The following PTPRJ variants were observed in gnomAD, a reference collection of about 807,000 sequenced individuals.
The protein encoded by PTPRJ is receptor-type tyrosine-protein phosphatase eta.
PTPRJ carries 129 observed loss-of-function variants against 141.3 expected under a neutral mutation model. The ratio of observed to expected loss-of-function variants is 0.91; its 90% confidence interval spans 0.79 to 1.06. The LOEUF (loss-of-function observed/expected upper bound fraction) is 1.06. Ranked by LOEUF, PTPRJ falls within the 50% of genes least tolerant of loss-of-function variation. The pLI is 0.00. For synonymous variants in PTPRJ, 610 were observed against 640.5 expected (o/e 0.95, Z 0.72); for missense variants, 1,601 against 1,679.7 (o/e 0.95, Z 0.82).
intron 1 of PTPRJ, among the ~76,000 whole-genome samples, chr11:48,022,469 A>G (rs1310836896): frequency 2.0e-5 from 3 of 148,500 alleles, no homozygotes; most frequent in Non-Finnish European, 4.5e-5. Context: ...CATCTCAAGA[A>G]AAAAAAAAAA....
At chr11:48,165,498 T>C (rs1469365685) in intron 24 of PTPRJ, among the ~76,000 whole-genome samples, 5 of 152,256 alleles carry the variant, frequency 3.3e-5, no homozygotes, top group Non-Finnish European at 7.3e-5. Flanking sequence ...TGAATGTTCC[T>C]TGACCAGGAT....
At chr11:47,994,187 T>A (rs914152269) in intron 1 of PTPRJ, among the ~76,000 whole-genome samples, 2 of 151,566 alleles carry the variant, frequency 1.3e-5, no homozygotes, top group Non-Finnish European at 2.9e-5. Flanking sequence ...ATAAAAAAAT[T>A]GAAAATACAG....
chr11:48,155,896 C>T (rs1857587687), intron 20 of PTPRJ, 22 bp downstream of exon 20: 8 of 1,589,492 alleles, frequency 5.0e-6, no homozygotes, highest in African/African-American at 1.3e-5. Flanking sequence ...GACGGTCTCA[C>T]AGCACTGGAC....
At chr11:48,067,406 G>C (rs1333159166) in intron 1 of PTPRJ, among the ~76,000 whole-genome samples, 1 of 152,196 alleles carries the variant, frequency 6.6e-6, no homozygotes, top group Admixed American at 6.5e-5. Context: ...AGGTCCCCTG[G>C]TAGGACCTGG....
Position 48,086,776 on chromosome 11 carries a change from C to T in PTPRJ, c.97-23282C>T, listed in dbSNP as rs116845024. ...GTTTTAGTTGCTCTTCTATAACTTCCGGGTGCTCTTCTCAGAGCAGCAGTG... is the reference window on the plus strand; with the variant it reads ...GTTTTAGTTGCTCTTCTATAACTTCTGGGTGCTCTTCTCAGAGCAGCAGTG... On this transcript the variant is annotated intron_variant, in intron 1 of 24. Transcript: ENST00000418331. 2.2e-4 allele frequency among the ~76,000 whole-genome samples: 34 copies of T among 152,276 alleles called. 1 individual carries two copies. In the South Asian group the frequency reaches 5.0e-3, roughly 22 times the overall value.
intron 1 of PTPRJ, among the ~76,000 whole-genome samples, chr11:48,090,588 G>A (rs1282912194): frequency 1.3e-5 from 2 of 152,184 alleles, no homozygotes; most frequent in Non-Finnish European, 2.9e-5. Context: ...GCTGTTTTCT[G>A]CCCTGGAATG....
At chr11:48,165,612 C>G (rs1029450458) in intron 24 of PTPRJ, among the ~76,000 whole-genome samples, 1 of 152,114 alleles carries the variant, frequency 6.6e-6, no homozygotes, top group East Asian at 1.9e-4. Context: ...GTTCTAGATG[C>G]CTGGGTACAT....
At chr11:48,009,361 C>T (rs1854714673) in intron 1 of PTPRJ, among the ~76,000 whole-genome samples, 1 of 152,084 alleles carries the variant, frequency 6.6e-6, no homozygotes, top group African/African-American at 2.4e-5. Context: ...TTTGGGAGGC[C>T]GAGGCAGGTG....
intron 1 of PTPRJ, among the ~76,000 whole-genome samples, chr11:48,054,793 T>C (rs779508728): frequency 2.6e-5 from 4 of 151,882 alleles, no homozygotes; most frequent in Non-Finnish European, 5.9e-5. Context: ...TGAGTGTTAA[T>C]TTCCTCATTT....
At chr11:48,128,802 G>C (rs1280807297) in intron 7 of PTPRJ, among the ~76,000 whole-genome samples, 2 of 151,306 alleles carry the variant, frequency 1.3e-5, no homozygotes, top group Admixed American at 6.6e-5. Context: ...CTTGAACTCA[G>C]GGGTGTGTGG....
intron 1 of PTPRJ, among the ~76,000 whole-genome samples, chr11:48,025,400 C>G (rs1853780361): frequency 6.6e-6 from 1 of 152,126 alleles, no homozygotes; most frequent in Non-Finnish European, 1.5e-5. Context: ...ACCAATTCAA[C>G]TATAAAATCA....
intron 21 of PTPRJ, among the ~76,000 whole-genome samples, chr11:48,159,205 GT>G (rs1857701652): frequency 6.7e-6 from 1 of 149,774 alleles, no homozygotes; most frequent in Non-Finnish European, 1.5e-5. Flanking sequence ...GAGAGCAGGT[GT>G]TTCCTGGTTA....
At chr11:48,035,474 G>A (rs1165921877) in intron 1 of PTPRJ, among the ~76,000 whole-genome samples, 1 of 151,796 alleles carries the variant, frequency 6.6e-6, no homozygotes, top group Non-Finnish European at 1.5e-5. Context: ...TGATGGGTGG[G>A]GACCATCTGT....
chr11:47,996,492 A>C (rs1010140693), intron 1 of PTPRJ, among the ~76,000 whole-genome samples: 16 of 152,138 alleles, frequency 1.1e-4, no homozygotes, highest in Non-Finnish European at 1.9e-4. Flanking sequence ...CTGCATCTGG[A>C]AAATGGAAAT....
At chr11:48,049,857 C>T (rs1305350554) in intron 1 of PTPRJ, among the ~76,000 whole-genome samples, 1 of 152,078 alleles carries the variant, frequency 6.6e-6, no homozygotes, top group African/African-American at 2.4e-5. Flanking sequence ...AATTAAATTA[C>T]ACTGCAGGCC....
At chr11:48,078,484 T>C (rs1025007036) in intron 1 of PTPRJ, among the ~76,000 whole-genome samples, 13 of 152,176 alleles carry the variant, frequency 8.5e-5, no homozygotes, top group African/African-American at 2.7e-4. Context: ...GCCAAGGTGT[T>C]TGACCATTTT....
chr11:48,116,899 A>T (rs562829969), intron 3 of PTPRJ, among the ~76,000 whole-genome samples: 6 of 152,330 alleles, frequency 3.9e-5, no homozygotes, highest in Admixed American at 3.9e-4. Context: ...TTTTGTTAAC[A>T]TATTTCTTTT....
chr11:48,112,941 A>C lies in PTPRJ; in HGVS notation c.310A>C (p.Asn104His). The C allele has an allele frequency of 6.2e-7, 1 of 1,614,224 alleles. No homozygotes were observed. Among genetic ancestry groups the C allele is most frequent in the Non-Finnish European group, 8.5e-7 (1 of 1,180,028 alleles). The change falls in exon 3 of 25, where the codon AAT (asparagine) becomes CAT (histidine). Residue 104 changes from asparagine to histidine, a missense_variant. Physicochemically the swap from Asn to His is moderately conservative, Grantham distance 68 (BLOSUM62 1). Coordinates refer to ENST00000418331, the MANE Select transcript of PTPRJ (RefSeq NM_002843.4). ...TTTAAGAACACCTGAACAAGGATCTAATGGGACTGATGGGGCATCTCAAAA... is the reference window on the plus strand; with the variant it reads ...TTTAAGAACACCTGAACAAGGATCTCATGGGACTGATGGGGCATCTCAAAA... ...DSLRTPEQGS[N>H]GTDGASQKTP...
chr11:48,018,685 G>A, intron 1 of PTPRJ, among the ~76,000 whole-genome samples: 1 of 152,170 alleles, frequency 6.6e-6, no homozygotes, highest in Non-Finnish European at 1.5e-5. Flanking sequence ...GGGCGTCGGG[G>A]CCCAGCCAGC....
Sources: gnomAD v4.1 joint callset for allele counts (sites outside exome capture counted in the v4.1 genomes callset) on GRCh38, gnomAD v4.1.1 for gene constraint, MANE v1.5 for transcripts, NCBI Gene and HGNC (gene_info 2026-07-23, HGNC 2026-07-21) for gene names.